SGCD: variants seen among roughly 807,000 people sequenced by gnomAD.
SGCD encodes sarcoglycan delta.
Under a neutral mutation model 36.6 loss-of-function variants are expected in SGCD, and 18 were observed. The ratio of observed to expected loss-of-function variants is 0.49; its 90% CI spans 0.34 to 0.73. The LOEUF (loss-of-function observed/expected upper bound fraction) is 0.73, where lower values mean the gene tolerates loss of function less well. Ranked by LOEUF, SGCD falls within the 30% of genes least tolerant of loss-of-function variation. SGCD has a pLI of 0.01. For synonymous variants in SGCD, 133 were observed against 130.6 expected (o/e 1.02, Z -0.12); for missense variants, 387 against 346.7 (o/e 1.12, Z -0.92).
At chr5:155,937,895 G>A (rs1208715850) in intron 1 of SGCD, among the ~76,000 whole-genome samples, 1 of 152,198 alleles carries the variant, frequency 6.6e-6, no homozygotes, top group African/African-American at 2.4e-5. Flanking sequence ...CAAAACAGAT[G>A]AGAAGAGTGA....
intron 3 of SGCD, among the ~76,000 whole-genome samples, chr5:156,488,043 G>A (rs1192530286): frequency 7.4e-6 from 1 of 134,760 alleles, no homozygotes; most frequent in Admixed American, 7.6e-5. Flanking sequence ...AAAATGGAAA[G>A]CTTTAACAGT....
intron 3 of SGCD, among the ~76,000 whole-genome samples, chr5:156,418,252 T>G (rs1000904116): frequency 6.6e-6 from 1 of 152,158 alleles, no homozygotes; most frequent in South Asian, 2.1e-4. Context: ...TCCAACTTCA[T>G]AAAATTAAGT....
chr5:156,695,532 G>C (rs1159103743), intron 7 of SGCD, among the ~76,000 whole-genome samples: 1 of 125,070 alleles, frequency 8.0e-6, no homozygotes, highest in Non-Finnish European at 1.7e-5. Flanking sequence ...TAGATAGATA[G>C]ATAGATAGAT....
intron 1 of SGCD, among the ~76,000 whole-genome samples, chr5:155,920,882 C>T (rs1243543823): frequency 6.6e-6 from 1 of 152,124 alleles, no homozygotes; most frequent in African/African-American, 2.4e-5. Flanking sequence ...GAGCCTCAGA[C>T]AATCCGCTAC....
At chr5:156,178,072 CAGAA>C (rs1279511762) in intron 3 of SGCD, among the ~76,000 whole-genome samples, 1 of 152,140 alleles carries the variant, frequency 6.6e-6, no homozygotes, top group South Asian at 2.1e-4. Context: ...AATGATCTAA[CAGAA>C]AGCCTATTTT....
intron 3 of SGCD, among the ~76,000 whole-genome samples, chr5:156,459,973 T>C (rs1479352826): frequency 6.6e-6 from 1 of 152,152 alleles, no homozygotes; most frequent in Non-Finnish European, 1.5e-5. Context: ...TGTGTCTTTA[T>C]TGCATATGGC....
chr5:156,186,024 A>C (rs1215115406), intron 3 of SGCD, among the ~76,000 whole-genome samples: 1 of 150,380 alleles, frequency 6.6e-6, no homozygotes, highest in Non-Finnish European at 1.5e-5. Flanking sequence ...ATCCTGTATT[A>C]AATTATTCTA....
chr5:156,005,235 G>A (rs1758733064), intron 1 of SGCD, among the ~76,000 whole-genome samples: 1 of 152,060 alleles, frequency 6.6e-6, no homozygotes, highest in African/African-American at 2.4e-5. Context: ...TGGCAGCTAC[G>A]TTCAGCCACT....
chr5:155,880,651 C>T (rs916283903), intron 1 of SGCD, among the ~76,000 whole-genome samples: 2 of 152,090 alleles, frequency 1.3e-5, no homozygotes, highest in South Asian at 2.1e-4. Flanking sequence ...TTATTTACAT[C>T]GTCATTATGC....
the SGCD span, among the ~76,000 whole-genome samples, chr5:155,809,038 G>T: frequency 2.0e-5 from 3 of 152,218 alleles, no homozygotes; most frequent in African/African-American, 7.2e-5. Flanking sequence ...CATTGTAAGA[G>T]AACTCAGCTA....
At chr5:156,285,744 C>T (rs987729514) in intron 3 of SGCD, among the ~76,000 whole-genome samples, 1 of 152,062 alleles carries the variant, frequency 6.6e-6, no homozygotes, top group Non-Finnish European at 1.5e-5. Context: ...TAGGCAATAC[C>T]ATTCAGGACA....
chr5:155,846,408 AC>A, the SGCD span, among the ~76,000 whole-genome samples: 1 of 152,154 alleles, frequency 6.6e-6, no homozygotes, highest in Non-Finnish European at 1.5e-5. Context: ...AATGACAGAC[AC>A]TTTTTTTCCT....
intron 1 of SGCD, among the ~76,000 whole-genome samples, chr5:156,013,131 T>G (rs1758895692): frequency 6.6e-6 from 1 of 151,754 alleles, no homozygotes; most frequent in African/African-American, 2.4e-5. Context: ...GTTCAGGCGA[T>G]TCTCCTGCCT....
intron 7 of SGCD, among the ~76,000 whole-genome samples, chr5:156,683,527 G>A (rs142248345): frequency 2.3e-4 from 35 of 152,344 alleles, no homozygotes; most frequent in Non-Finnish European, 4.4e-4. Context: ...ATATTTTGCT[G>A]AGTTATAGAA....
intron 3 of SGCD, among the ~76,000 whole-genome samples, chr5:156,350,914 G>C (rs1769217791): frequency 6.6e-6 from 1 of 152,172 alleles, no homozygotes; most frequent in African/African-American, 2.4e-5. Context: ...AAGACAGCTA[G>C]TAAGTAAAAC....
At chr5:156,269,582 T>G (rs1324236485) in intron 3 of SGCD, among the ~76,000 whole-genome samples, 1 of 143,342 alleles carries the variant, frequency 7.0e-6, no homozygotes, top group African/African-American at 2.5e-5. Flanking sequence ...ATGATTCAAC[T>G]ACCTCCCACT....
At chr5:155,739,240 G>C in the SGCD span, among the ~76,000 whole-genome samples, 2 of 152,330 alleles carry the variant, frequency 1.3e-5, no homozygotes, top group Middle Eastern at 3.4e-3. Context: ...ATAAATAATT[G>C]TGTGTAATTG....
the SGCD span, among the ~76,000 whole-genome samples, chr5:155,841,787 C>G: frequency 6.6e-6 from 1 of 151,960 alleles, no homozygotes. Flanking sequence ...ATGTGACTAC[C>G]GTTTCCTCCC....
chr5:156,205,302 A>G (rs1417201203), intron 3 of SGCD, among the ~76,000 whole-genome samples: 2 of 152,098 alleles, frequency 1.3e-5, no homozygotes, highest in African/African-American at 4.8e-5. Context: ...AGCTGCAGAA[A>G]CAAACTAATA....
Sources: allele counts gnomAD v4.1 joint callset (sites outside exome capture counted in the v4.1 genomes callset), GRCh38; gene constraint gnomAD v4.1.1; transcripts MANE v1.5; gene names NCBI Gene and HGNC (gene_info 2026-07-23, HGNC 2026-07-21).